GLCE: variants seen among roughly 807,000 people sequenced by gnomAD.
The protein encoded by GLCE is glucuronic acid epimerase, also known as D-glucuronyl C5-epimerase.
In GLCE, 19 loss-of-function variants were observed where a neutral mutation model predicts 47.9. The observed-to-expected ratio is 0.40, with a 90% CI of 0.28 to 0.58. GLCE has a LOEUF of 0.58. Ranked by LOEUF, GLCE falls within the 20% of genes least tolerant of loss-of-function variation. The probability of loss-of-function intolerance (pLI) is 0.48; values close to 1 mark genes in which losing one functional copy is unlikely to be tolerated. For synonymous variants in GLCE, 245 were observed against 263.4 expected, an observed-to-expected ratio of 0.93 and a Z score of 0.68; for missense variants, 556 against 743.3, an observed-to-expected ratio of 0.75 and a Z score of 2.93.
At chr15:69,236,733 C>G (rs964282023) in intron 2 of GLCE, among the ~76,000 whole-genome samples, 1 of 152,136 alleles carries the variant, frequency 6.6e-6, no homozygotes, top group Non-Finnish European at 1.5e-5. Context: ...AGTACTAGTG[C>G]TAGTGTACTA....
chr15:69,161,535 G>C (rs1169015843), intron 1 of GLCE, among the ~76,000 whole-genome samples: 1 of 152,118 alleles, frequency 6.6e-6, no homozygotes, highest in Non-Finnish European at 1.5e-5. Flanking sequence ...GCAGTCTCTC[G>C]GGGTGGGCGC....
intron 2 of GLCE, among the ~76,000 whole-genome samples, chr15:69,248,510 G>GTGCTTGCT (rs779225378): frequency 6.6e-6 from 1 of 152,122 alleles, no homozygotes; most frequent in African/African-American, 2.4e-5. Flanking sequence ...TATAGGCCAA[G>GTGCTTGCT]TGCTTGCTTG....
intron 1 of GLCE, among the ~76,000 whole-genome samples, chr15:69,161,992 G>A (rs28623030): frequency 6.6e-5 from 10 of 152,184 alleles, no homozygotes; most frequent in African/African-American, 2.4e-4. Flanking sequence ...TCTTGCCTGA[G>A]TGAATGTTAG....
rs750640005 is a variant in GLCE at position 69,268,553 on chromosome 15, A to G, written c.1163A>G (p.Lys388Arg). Residue 388 changes from lysine (K) to arginine (R), a missense_variant, in exon 5 of 5, where the codon AAG (lysine) becomes AGG (arginine). Around this residue, in one of 3 missense-constraint regions of GLCE, gnomAD observed 245 missense variants for 368.1 expected, o/e 0.67. Coordinates refer to ENST00000261858, the MANE Select transcript of GLCE (RefSeq NM_015554.3). ...GTGGTTAGGTTGATTGCAAAAGGTA[A>G]GGGATTCCTCGACAACATTACCATC... ...KKVVRLIAKG[K>R]GFLDNITIST... 6.2e-7 allele frequency: 1 copy of G among 1,614,104 alleles called. No individual in the cohort carries two copies. Among genetic ancestry groups the G allele is most frequent in the Non-Finnish European group, 8.5e-7 (1 of 1,180,030 alleles).
intron 1 of GLCE, among the ~76,000 whole-genome samples, chr15:69,189,540 C>T (rs2051883164): frequency 6.6e-6 from 1 of 152,126 alleles, no homozygotes. Flanking sequence ...TGGGTCACTA[C>T]CAAGGAGCAT....
At chr15:69,264,609 C>G (rs1449792854) in intron 4 of GLCE, among the ~76,000 whole-genome samples, 1 of 152,082 alleles carries the variant, frequency 6.6e-6, no homozygotes, top group East Asian at 1.9e-4. Context: ...TTTGAGGAAC[C>G]TCCATACTGT....
intron 1 of GLCE, among the ~76,000 whole-genome samples, chr15:69,178,825 G>A (rs759523846): frequency 4.0e-5 from 6 of 151,820 alleles, no homozygotes; most frequent in Non-Finnish European, 7.4e-5. Context: ...GCTCTTTATA[G>A]TATTAATTAT....
At chr15:69,228,520 G>A (rs1271931035) in intron 2 of GLCE, among the ~76,000 whole-genome samples, 1 of 152,018 alleles carries the variant, frequency 6.6e-6, no homozygotes, top group Admixed American at 6.6e-5. Context: ...AAAACTACTT[G>A]ATAAAATCAA....
chr15:69,174,702 G>T (rs148843963), intron 1 of GLCE, among the ~76,000 whole-genome samples: 1 of 152,190 alleles, frequency 6.6e-6, no homozygotes, highest in African/African-American at 2.4e-5. Context: ...AATCTAAAAT[G>T]GAACAGTAAA....
At chr15:69,175,636 T>TCA (rs1431342627) in intron 1 of GLCE, among the ~76,000 whole-genome samples, 1 of 152,242 alleles carries the variant, frequency 6.6e-6, no homozygotes, top group Non-Finnish European at 1.5e-5. Flanking sequence ...AAAATACTTG[T>TCA]CATACCCAGT....
intron 2 of GLCE, among the ~76,000 whole-genome samples, chr15:69,238,078 A>G (rs1042098913): frequency 2.6e-5 from 4 of 152,236 alleles, no homozygotes; most frequent in Non-Finnish European, 5.9e-5. Context: ...TTTGCTGTTA[A>G]AAAAACATTC....
At chr15:69,209,575 A>T (rs2052200473) in intron 1 of GLCE, among the ~76,000 whole-genome samples, 1 of 151,992 alleles carries the variant, frequency 6.6e-6, no homozygotes, top group Admixed American at 6.6e-5. Context: ...TAATTCTCAA[A>T]GTCTGTGTAT....
chr15:69,212,132 C>T (rs1223002890), intron 2 of GLCE, among the ~76,000 whole-genome samples: 2 of 151,322 alleles, frequency 1.3e-5, no homozygotes, highest in African/African-American at 4.9e-5. Context: ...GTTAATGAGG[C>T]CACCTTAGCA....
intron 1 of GLCE, among the ~76,000 whole-genome samples, chr15:69,186,417 G>A (rs981659779): frequency 1.3e-5 from 2 of 152,164 alleles, no homozygotes; most frequent in Non-Finnish European, 2.9e-5. Context: ...CAATGTATAT[G>A]TATCATAATG....
At position 69,270,339 on chromosome 15, in the gene GLCE, A is replaced by G. The variant is rs567390312; in HGVS notation, c.*1095A>G. ...GGGTGTTTTTTTTTAATTTAATTTT[A>G]AATTATCCCAGCTATTAGATAGAAG... On this transcript the variant is annotated 3_prime_UTR_variant, in exon 5 of 5. Transcript: ENST00000261858. The G allele has an allele frequency of 6.6e-6, 1 of 152,106 alleles. No individual in the cohort carries two copies. Among genetic ancestry groups the G allele is most frequent in the East Asian group, 1.9e-4 (1 of 5,178 alleles). 9.4% of individuals were successfully genotyped at this position (152,106 alleles called of 1,614,324 possible).
Position 69,269,201 on chromosome 15 carries a change from G to C in GLCE, c.1811G>C (p.Arg604Thr). The change falls in exon 5 of 5, where the codon AGG (arginine) becomes ACG (threonine). Residue 604 changes from arginine (R) to threonine (T), a missense_variant. By Grantham distance (71) the Arg-to-Thr change is moderately conservative (BLOSUM62 -1). This residue lies in a region of GLCE where 245 missense variants were observed against 368.1 expected (regional missense o/e 0.67). Transcript: ENST00000261858. ...CCAGTCTTCAAAGAATTTGTCAAGA[G>C]GTGGAAAAGCTACCTTAAAGGCAGC... ...ESPVFKEFVK[R>T]WKSYLKGSRA... is the part of the protein sequence containing the mutation. 1 of 1,614,088 alleles carries C rather than the reference G, an allele frequency of 6.2e-7. No individual in the cohort carries two copies. Among genetic ancestry groups the C allele is most frequent in the Non-Finnish European group, 8.5e-7 (1 of 1,179,988 alleles).
At chr15:69,259,851 A>C (rs1473267817) in intron 3 of GLCE, among the ~76,000 whole-genome samples, 1 of 152,218 alleles carries the variant, frequency 6.6e-6, no homozygotes, top group Non-Finnish European at 1.5e-5. Context: ...AGCCTACCTA[A>C]TTCCGTAAAC....
intron 1 of GLCE, among the ~76,000 whole-genome samples, chr15:69,175,089 T>G (rs181629832): frequency 6.6e-6 from 1 of 152,324 alleles, no homozygotes; most frequent in Non-Finnish European, 1.5e-5. Context: ...TAGCTAATGT[T>G]GAAACTCTTA....
At chr15:69,252,326 C>T (rs1302355443) in intron 2 of GLCE, among the ~76,000 whole-genome samples, 1 of 152,196 alleles carries the variant, frequency 6.6e-6, no homozygotes, top group Non-Finnish European at 1.5e-5. Context: ...CCAGCATCCA[C>T]TCAGCTTCTG....
Sources: allele counts gnomAD v4.1 joint callset (sites outside exome capture counted in the v4.1 genomes callset), GRCh38; gene constraint gnomAD v4.1.1; regional missense constraint gnomAD v4.1.1; transcripts MANE v1.5; gene names NCBI Gene and HGNC (gene_info 2026-07-23, HGNC 2026-07-21).